The following FMN1 variants were observed in gnomAD, a reference collection of about 807,000 sequenced individuals.
The protein encoded by FMN1 is formin 1, also known as formin-1.
Under a neutral mutation model 132.4 loss-of-function variants are expected in FMN1, and 110 were observed. The observed-to-expected ratio is 0.83, with a 90% CI of 0.71 to 0.97. The LOEUF is 0.97. Among genes scored for constraint, FMN1 ranks in the 50% least tolerant of loss-of-function variants. The pLI is 0.00. For synonymous variants in FMN1, 722 were observed against 651.7 expected, an observed-to-expected ratio of 1.11 and a Z score of -1.64; for missense variants, 1,792 against 1,705.3, an observed-to-expected ratio of 1.05 and a Z score of -0.90.
At chr15:32,876,912 G>A (rs952188400) in intron 16 of FMN1, among the ~76,000 whole-genome samples, 10 of 151,514 alleles carry the variant, frequency 6.6e-5, no homozygotes, top group Non-Finnish European at 1.3e-4. Flanking sequence ...GGATACAAGT[G>A]TCATTTTCCA....
intron 14 of FMN1, 147 bp downstream of exon 14, chr15:32,899,832 G>A: frequency 6.3e-6 from 5 of 790,010 alleles, no homozygotes; most frequent in South Asian, 3.9e-5. Flanking sequence ...TGAAAAGAAA[G>A]CAAACAAAAA....
intron 17 of FMN1, among the ~76,000 whole-genome samples, chr15:32,843,834 G>A (rs1282377972): frequency 6.6e-6 from 1 of 152,200 alleles, no homozygotes; most frequent in Admixed American, 6.5e-5. Flanking sequence ...ACTTCTAAAT[G>A]TTGAGCACTC....
intron 16 of FMN1, among the ~76,000 whole-genome samples, chr15:32,872,828 C>T (rs376193514): frequency 2.0e-4 from 30 of 152,066 alleles, no homozygotes; most frequent in Non-Finnish European, 3.1e-4. Context: ...TTTCAGCCCT[C>T]GCTGGTTAGT....
At chr15:32,812,138 T>C (rs2057904855) in intron 17 of FMN1, among the ~76,000 whole-genome samples, 1 of 152,190 alleles carries the variant, frequency 6.6e-6, no homozygotes, top group African/African-American at 2.4e-5. Flanking sequence ...AGAAAAGGAT[T>C]TGAGAAGCTA....
intron 4 of FMN1, among the ~76,000 whole-genome samples, chr15:33,124,205 G>A (rs560848554): frequency 1.1e-4 from 17 of 152,254 alleles, no homozygotes; most frequent in African/African-American, 4.1e-4. Flanking sequence ...CTTTTCAAAA[G>A]AAAAGTGAGG....
intron 7 of FMN1, among the ~76,000 whole-genome samples, chr15:33,004,731 A>G (rs1344774065): frequency 1.3e-5 from 2 of 152,208 alleles, no homozygotes; most frequent in East Asian, 3.8e-4. Context: ...ATAAAGACAC[A>G]TGCACACCTA....
At chr15:32,953,183 G>A (rs2140511639) in intron 9 of FMN1, among the ~76,000 whole-genome samples, 1 of 152,306 alleles carries the variant, frequency 6.6e-6, no homozygotes, top group East Asian at 1.9e-4. Flanking sequence ...ACCCCACCTA[G>A]GAGATCTGAT....
chr15:32,784,355 T>C (rs1399457306), intron 19 of FMN1, among the ~76,000 whole-genome samples: 1 of 151,702 alleles, frequency 6.6e-6, no homozygotes, highest in East Asian at 1.9e-4. Context: ...TGTATGTTTT[T>C]AGACAAAAAG....
intron 12 of FMN1, 160 bp downstream of exon 12, chr15:32,908,330 G>T: frequency 1.8e-6 from 1 of 569,920 alleles, no homozygotes; most frequent in Non-Finnish European, 3.1e-6. Context: ...GCTTTTCCCG[G>T]CAGCAGGGTC....
chr15:33,110,010 ATGG>A (rs1198714204), intron 4 of FMN1, among the ~76,000 whole-genome samples: 1 of 152,090 alleles, frequency 6.6e-6, no homozygotes, highest in Admixed American at 6.6e-5. Flanking sequence ...GAATACATAA[ATGG>A]GTAAGTGCAC....
intron 6 of FMN1, among the ~76,000 whole-genome samples, chr15:33,008,766 C>G (rs970927046): frequency 1.3e-5 from 2 of 152,168 alleles, no homozygotes; most frequent in African/African-American, 4.8e-5. Context: ...ATGCAGCTGT[C>G]AAGACAACTT....
chr15:32,865,481 C>T (rs1414391215), intron 16 of FMN1, among the ~76,000 whole-genome samples: 3 of 152,152 alleles, frequency 2.0e-5, no homozygotes, highest in Non-Finnish European at 4.4e-5. Context: ...TTGAGATGCA[C>T]ATGTAATTGA....
intron 7 of FMN1, among the ~76,000 whole-genome samples, chr15:32,986,905 TG>T (rs1566794227): frequency 6.6e-6 from 1 of 152,166 alleles, no homozygotes; most frequent in Non-Finnish European, 1.5e-5. Context: ...CTCTAGTAAT[TG>T]GAAGGTATGA....
At chr15:33,085,533 T>TTTATACATATATTAAAA (rs1317686571) in intron 5 of FMN1, among the ~76,000 whole-genome samples, 1 of 149,856 alleles carries the variant, frequency 6.7e-6, no homozygotes, top group Non-Finnish European at 1.5e-5. Flanking sequence ...ATCACATGTA[T>TTTATACATATATTAAAA]TTATACATAT....
intron 9 of FMN1, among the ~76,000 whole-genome samples, chr15:32,954,379 C>T (rs1318384608): frequency 6.6e-6 from 1 of 152,188 alleles, no homozygotes; most frequent in Non-Finnish European, 1.5e-5. Flanking sequence ...GTGTAATACC[C>T]TCATCTATCT....
chr15:33,017,608 T>G (rs751281186), intron 6 of FMN1, among the ~76,000 whole-genome samples: 1 of 152,216 alleles, frequency 6.6e-6, no homozygotes, highest in Non-Finnish European at 1.5e-5. Context: ...AGAAATCCCA[T>G]GAATTTAGGA....
chr15:32,795,095 T>C (rs951276288), intron 19 of FMN1, among the ~76,000 whole-genome samples: 2 of 151,890 alleles, frequency 1.3e-5, no homozygotes, highest in African/African-American at 2.4e-5. Context: ...AGCTACTCAG[T>C]AGGCTAAGGC....
chr15:33,122,012 G>T lies in FMN1; in HGVS notation c.1867+31036C>A, dbSNP rs140390663. On this transcript the variant is annotated intron_variant, in intron 4 of 20. Transcript: ENST00000616417. ...CAAGCAAACAATATGAAGAGGACAC[G>T]ATCTCTACTTTCAAGGAGCACAATA... Among the ~76,000 whole-genome samples, 16 of 152,234 alleles carry T rather than the reference G, an allele frequency of 1.1e-4. No individual in the cohort carries two copies. The East Asian group carries it at 2.9e-3, about 28-fold the overall frequency.
At position 32,825,348 on chromosome 15, in the gene FMN1, C is replaced by A. The variant is rs983628121; in HGVS notation, c.3929-21016G>T. Among the ~76,000 whole-genome samples the A allele has an allele frequency of 3.3e-5, 5 of 152,198 alleles. No homozygotes were observed. In the East Asian group the frequency reaches 9.6e-4, roughly 29 times the overall value. ...TTCAGGGCCCTGCCTAGGTGGTCTG[C>A]CCTAGTTCTAGTTGTATTCGCCCAT... On this transcript the variant is annotated intron_variant, in intron 17 of 20. Coordinates refer to ENST00000616417, the MANE Select transcript of FMN1 (RefSeq NM_001277313.2).
Sources: gnomAD v4.1 joint callset for allele counts (sites outside exome capture counted in the v4.1 genomes callset) on GRCh38, gnomAD v4.1.1 for gene constraint, MANE v1.5 for transcripts, NCBI Gene and HGNC (gene_info 2026-07-23, HGNC 2026-07-21) for gene names.